The following TMPRSS12 variants were observed in gnomAD, a reference collection of about 807,000 sequenced individuals.
TMPRSS12 encodes the protein transmembrane protease serine 12.
TMPRSS12 carries 25 observed loss-of-function variants against 26.0 expected under a neutral mutation model. The observed-to-expected ratio is 0.96, with a 90% CI of 0.70 to 1.34. TMPRSS12 has a LOEUF of 1.34. Ranked by LOEUF, TMPRSS12 falls within the 40% of genes most tolerant of loss-of-function variation. The probability of loss-of-function intolerance (pLI) is 0.00; values close to 1 mark genes in which losing one functional copy is unlikely to be tolerated. For synonymous variants in TMPRSS12, 150 were observed against 161.7 expected, an observed-to-expected ratio of 0.93 and a Z score of 0.55; for missense variants, 441 against 440.1, an observed-to-expected ratio of 1.00 and a Z score of -0.02.
intron 3 of TMPRSS12, among the ~76,000 whole-genome samples, chr12:50,861,814 C>CTTT (rs59550869): frequency 1.4e-5 from 2 of 145,050 alleles, no homozygotes; most frequent in Non-Finnish European, 1.5e-5. Flanking sequence ...ATTAATATAT[C>CTTT]TTTTTTTTTT....
chr12:50,867,705 A>C (rs1278976549), intron 3 of TMPRSS12, among the ~76,000 whole-genome samples: 2 of 152,232 alleles, frequency 1.3e-5, no homozygotes. Context: ...GAAGGAAAGA[A>C]TCTTAAGAGC....
intron 4 of TMPRSS12, chr12:50,886,986 C>T: frequency 3.1e-6 from 1 of 321,938 alleles, no homozygotes; most frequent in South Asian, 7.2e-5. Context: ...TTTAAAAATC[C>T]AAACAATTTG....
rs201837185 is a variant in TMPRSS12, at chr12:50,885,326, G to A, written c.733G>A (p.Gly245Arg). 6.2e-6 allele frequency: 10 copies of A among 1,613,358 alleles called. No homozygotes were observed. Among genetic ancestry groups the A allele is most frequent in the South Asian group, 4.4e-5 (4 of 91,060 alleles). The stretch of plus-strand genomic sequence containing the variant: ...GTGTAATTCTGAGAGGAGTTATGGG[G>A]GAATAATTCCTAACACTTCATTTTG... Reference protein sequence around the residue: ...EMCNSERSYGGIIPNTSFCAG... With the variant: ...EMCNSERSYGRIIPNTSFCAG... Residue 245 changes from glycine (G) to arginine (R), a missense_variant, in exon 4 of 5, where the codon GGA (glycine) becomes AGA (arginine). Transcript: ENST00000398458.
At chr12:50,880,262 C>T (rs183564169) in intron 3 of TMPRSS12, among the ~76,000 whole-genome samples, 5 of 152,240 alleles carry the variant, frequency 3.3e-5, no homozygotes, top group Admixed American at 3.3e-4. Flanking sequence ...GTGGTACATG[C>T]CTGTAGTCCC....
At chr12:50,873,553 G>A (rs575426634) in intron 3 of TMPRSS12, among the ~76,000 whole-genome samples, 2 of 152,116 alleles carry the variant, frequency 1.3e-5, no homozygotes, top group African/African-American at 2.4e-5. Context: ...AGTATAAGAC[G>A]TAAGAAGGAA....
intron 3 of TMPRSS12, among the ~76,000 whole-genome samples, chr12:50,871,323 G>A (rs991341912): frequency 1.3e-5 from 2 of 152,054 alleles, no homozygotes; most frequent in Admixed American, 6.6e-5. Context: ...CTTCAACAAA[G>A]CAAACAAAAA....
At chr12:50,885,810 T>A in intron 4 of TMPRSS12, 1 of 322,310 alleles carries the variant, frequency 3.1e-6, no homozygotes, top group Non-Finnish European at 5.6e-6. Flanking sequence ...CACACATCAC[T>A]ATGCCCGGCC....
chr12:50,847,027 T>G (rs1937775095), intron 2 of TMPRSS12, among the ~76,000 whole-genome samples: 1 of 151,846 alleles, frequency 6.6e-6, no homozygotes, highest in African/African-American at 2.4e-5. Flanking sequence ...GTCATTGGGA[T>G]TTTGATAGGG....
chr12:50,860,089 A>G (rs759458436), intron 3 of TMPRSS12, among the ~76,000 whole-genome samples: 5 of 152,238 alleles, frequency 3.3e-5, no homozygotes. Flanking sequence ...TTGAACGTTA[A>G]GATAGAATGA....
intron 3 of TMPRSS12, among the ~76,000 whole-genome samples, chr12:50,864,173 A>G (rs1937965658): frequency 6.6e-6 from 1 of 152,208 alleles, no homozygotes; most frequent in South Asian, 2.1e-4. Flanking sequence ...AGTAGACTAC[A>G]AAGCTTCAAG....
chr12:50,859,996 C>A (rs532978839), intron 3 of TMPRSS12, among the ~76,000 whole-genome samples: 1 of 152,272 alleles, frequency 6.6e-6, no homozygotes, highest in Non-Finnish European at 1.5e-5. Flanking sequence ...TTTGAGGGGT[C>A]TATTTTTCCT....
intron 3 of TMPRSS12, among the ~76,000 whole-genome samples, chr12:50,884,066 A>C (rs1938200188): frequency 6.6e-6 from 1 of 152,218 alleles, no homozygotes; most frequent in South Asian, 2.1e-4. Flanking sequence ...AGATTGGTTA[A>C]AGGATAAAAA....
chr12:50,856,213 A>C (rs1469941678), intron 2 of TMPRSS12, among the ~76,000 whole-genome samples: 1 of 152,188 alleles, frequency 6.6e-6, no homozygotes, highest in East Asian at 1.9e-4. Flanking sequence ...AGTTAGGGAA[A>C]AGATATAAAT....
chr12:50,855,466 C>G (rs1937867076), intron 2 of TMPRSS12, among the ~76,000 whole-genome samples: 1 of 152,136 alleles, frequency 6.6e-6, no homozygotes, highest in South Asian at 2.1e-4. Flanking sequence ...TGCTCAACAT[C>G]ACTAATCATC....
intron 2 of TMPRSS12, among the ~76,000 whole-genome samples, chr12:50,854,432 C>A (rs1340877470): frequency 6.6e-6 from 1 of 152,098 alleles, no homozygotes. Flanking sequence ...CACTCTTATT[C>A]AACATAGTAC....
chr12:50,853,580 A>AC (rs1218336861), intron 2 of TMPRSS12, among the ~76,000 whole-genome samples: 11 of 123,578 alleles, frequency 8.9e-5, no homozygotes, highest in African/African-American at 3.4e-4. Context: ...AGCTAGACTA[A>AC]CAAAAAAAAA....
chr12:50,868,227 CAACT>C (rs1346268073), intron 3 of TMPRSS12, among the ~76,000 whole-genome samples: 2 of 152,110 alleles, frequency 1.3e-5, no homozygotes, highest in African/African-American at 4.8e-5. Context: ...ACTCACCAAC[CAACT>C]ATCTGCTGCC....
At chr12:50,883,180 A>C (rs1938192067) in intron 3 of TMPRSS12, among the ~76,000 whole-genome samples, 2 of 152,012 alleles carry the variant, frequency 1.3e-5, no homozygotes, top group Admixed American at 6.6e-5. Context: ...AAAACCAAAA[A>C]ATTATCTGGG....
intron 3 of TMPRSS12, among the ~76,000 whole-genome samples, chr12:50,867,960 A>C (rs1280098143): frequency 6.6e-6 from 1 of 152,196 alleles, no homozygotes; most frequent in Non-Finnish European, 1.5e-5. Context: ...CCACTACAAG[A>C]ACTGCTAGAA....
Sources: allele counts gnomAD v4.1 joint callset (sites outside exome capture counted in the v4.1 genomes callset), GRCh38; gene constraint gnomAD v4.1.1; transcripts MANE v1.5; gene names NCBI Gene and HGNC (gene_info 2026-07-23, HGNC 2026-07-21).